The following FNIP1 variants were observed in gnomAD, a reference collection of about 807,000 sequenced individuals.
FNIP1 encodes folliculin interacting protein 1.
Under a neutral mutation model 124.5 loss-of-function variants are expected in FNIP1, and 40 were observed. The observed-to-expected ratio is 0.32, with a 90% CI of 0.25 to 0.42. The LOEUF (loss-of-function observed/expected upper bound fraction) is 0.42. FNIP1 is among the 10% of genes least tolerant of loss of function. The pLI, the probability that FNIP1 is intolerant of heterozygous loss-of-function variation, is 1.00. For missense variants in FNIP1, 1,176 were observed against 1,403.7 expected, an observed-to-expected ratio of 0.84 and a Z score of 2.59; for synonymous variants, 472 against 470.6, an observed-to-expected ratio of 1.00 and a Z score of -0.04.
At chr5:131,787,079 T>C (rs1047962285) in intron 1 of FNIP1, among the ~76,000 whole-genome samples, 29 of 152,188 alleles carry the variant, frequency 1.9e-4, no homozygotes, top group Admixed American at 7.9e-4. Context: ...CTGACCTCAC[T>C]ACTAGCTCCA....
intron 15 of FNIP1, among the ~76,000 whole-genome samples, chr5:131,666,147 A>T (rs1767597988): frequency 6.6e-6 from 1 of 152,172 alleles, no homozygotes; most frequent in Admixed American, 6.5e-5. Context: ...TCGGCCTCCC[A>T]AAGTGCTGAG....
intron 1 of FNIP1, among the ~76,000 whole-genome samples, chr5:131,769,478 C>T (rs1215547702): frequency 3.9e-5 from 6 of 152,180 alleles, no homozygotes; most frequent in Admixed American, 3.9e-4. Flanking sequence ...AGCAGTTCCA[C>T]TTTTCAAAAT....
chr5:131,705,974 C>T (rs1021627565), intron 9 of FNIP1, among the ~76,000 whole-genome samples: 4 of 151,916 alleles, frequency 2.6e-5, no homozygotes, highest in African/African-American at 9.7e-5. Flanking sequence ...AAACATTATG[C>T]TAAATGAAAT....
At chr5:131,707,534 T>C (rs969820484) in intron 8 of FNIP1, among the ~76,000 whole-genome samples, 1 of 152,202 alleles carries the variant, frequency 6.6e-6, no homozygotes, top group African/African-American at 2.4e-5. Flanking sequence ...AGGATAAAGC[T>C]GTATGTGCCA....
At chr5:131,685,448 CT>C (rs368323566) in intron 11 of FNIP1, among the ~76,000 whole-genome samples, 1,273 of 126,020 alleles carry the variant, frequency 0.01, 6 homozygotes, top group African/African-American at 0.034. Context: ...CCTTAAGAAT[CT>C]TTTTTTTTTT....
rs752589250 is a variant in FNIP1, at chr5:131,744,572, A to G, written c.211T>C (p.Ser71Pro). 9 of 1,600,136 alleles carry G rather than the reference A, an allele frequency of 5.6e-6. No homozygotes were observed. The highest frequency in any genetic ancestry group is 2.3e-5 in the East Asian group (1 of 43,992). Residue 71 changes from serine (S) to proline (P), a missense_variant, in exon 2 of 18, where the codon TCA becomes CCA. Ser to Pro is a moderately conservative substitution (Grantham distance 74, BLOSUM62 -1). Coordinates refer to ENST00000510461, the MANE Select transcript of FNIP1 (RefSeq NM_133372.3). The stretch of plus-strand genomic sequence containing the variant: ...TCAATAATGATGCTCACCGATACTG[A>G]TATGTCCTCATTTCTTCTCTTAACA... Reference protein sequence around the residue: ...SSVKRRNEDISVSKLGSDAQV... With the variant: ...SSVKRRNEDIPVSKLGSDAQV...
intron 1 of FNIP1, among the ~76,000 whole-genome samples, chr5:131,779,835 T>C (rs562703785): frequency 2.0e-5 from 3 of 152,162 alleles, no homozygotes; most frequent in African/African-American, 7.2e-5. Flanking sequence ...GAAATGTTGA[T>C]AAATGTGAAA....
intron 1 of FNIP1, among the ~76,000 whole-genome samples, chr5:131,750,992 T>G (rs1770856022): frequency 6.6e-6 from 1 of 152,158 alleles, no homozygotes; most frequent in South Asian, 2.1e-4. Context: ...TAACAGACCT[T>G]ATATAAGCAG....
chr5:131,760,272 T>C lies in FNIP1; in HGVS notation c.93-15582A>G, dbSNP rs140911068. 1.9e-4 allele frequency among the ~76,000 whole-genome samples: 29 copies of C among 152,286 alleles called. No homozygotes were observed. In the East Asian group the frequency reaches 5.2e-3, roughly 27 times the overall value. On this transcript the variant is annotated intron_variant, in intron 1 of 17. Transcript: ENST00000510461. ...AAAAAAAAGAAATCAGGGTGTTAAT[T>C]TTTAAAAAGGCTCCTTGGGGGAATA...
At chr5:131,660,805 C>T (rs1767406618) in intron 15 of FNIP1, among the ~76,000 whole-genome samples, 1 of 152,212 alleles carries the variant, frequency 6.6e-6, no homozygotes, top group African/African-American at 2.4e-5. Flanking sequence ...GGTAGTCCCC[C>T]ACCGGCAATA....
chr5:131,740,098 T>C (rs1246136820), intron 2 of FNIP1, among the ~76,000 whole-genome samples: 1 of 152,230 alleles, frequency 6.6e-6, no homozygotes, highest in East Asian at 1.9e-4. Context: ...TGGAATATGT[T>C]TAGCCTTTCC....
intron 3 of FNIP1, among the ~76,000 whole-genome samples, chr5:131,719,863 C>T (rs1769599266): frequency 1.3e-5 from 2 of 152,170 alleles, no homozygotes; most frequent in South Asian, 4.1e-4. Flanking sequence ...TAAGAAGCAT[C>T]CATAAATGGG....
intron 1 of FNIP1, among the ~76,000 whole-genome samples, chr5:131,758,667 T>C (rs1771127399): frequency 6.6e-6 from 1 of 152,240 alleles, no homozygotes; most frequent in Admixed American, 6.5e-5. Context: ...TCAGCTTATC[T>C]GCTCTGCATG....
intron 11 of FNIP1, among the ~76,000 whole-genome samples, chr5:131,686,896 AAG>A (rs1039397503): frequency 3.1e-4 from 47 of 151,730 alleles, no homozygotes; most frequent in African/African-American, 1.1e-3. Context: ...TTATTACCAA[AAG>A]AGTTTGTGAA....
intron 6 of FNIP1, among the ~76,000 whole-genome samples, chr5:131,715,322 T>C (rs41076): frequency 0.78 from 118,052 of 151,922 alleles, 46,065 homozygotes; most frequent in Middle Eastern, 0.83. Flanking sequence ...CCTGTCTCTA[T>C]TAAAAATACA....
At chr5:131,667,909 T>C (rs894046994) in intron 15 of FNIP1, among the ~76,000 whole-genome samples, 2 of 152,166 alleles carry the variant, frequency 1.3e-5, no homozygotes, top group African/African-American at 2.4e-5. Flanking sequence ...TTATTAACTT[T>C]TTAAATTGAG....
At chr5:131,649,415 G>C (rs924666768) in intron 16 of FNIP1, among the ~76,000 whole-genome samples, 1 of 152,180 alleles carries the variant, frequency 6.6e-6, no homozygotes, top group African/African-American at 2.4e-5. Context: ...GACTAATGAT[G>C]TTGAGCATAT....
chr5:131,710,497 C>A, intron 7 of FNIP1, 81 bp downstream of exon 7: 2 of 1,317,886 alleles, frequency 1.5e-6, no homozygotes, highest in Non-Finnish European at 2.1e-6. Context: ...CATTCATCTA[C>A]TCTCTTGTTT....
chr5:131,671,814 T>A lies in FNIP1; in HGVS notation c.2630A>T (p.Asn877Ile). The A allele has an allele frequency of 6.2e-7, 1 of 1,614,048 alleles. No homozygotes were observed. The highest frequency in any genetic ancestry group is 8.5e-7 in the Non-Finnish European group (1 of 1,180,010). ...LEFSKILCTK[N>I]NKQNNEFCKC... is the part of the protein sequence containing the mutation. ...ACAAAATTCATTGTTCTGCTTGTTA[T>A]TTTTTGTACACAATATTTTTGAAAA... The change falls in exon 14 of 18, where the codon AAT (asparagine) becomes ATT (isoleucine). Residue 877 changes from asparagine (N) to isoleucine (I), a missense_variant. By Grantham distance (149) the Asn-to-Ile change is moderately radical. This residue lies in a region of FNIP1 where 1,109 missense variants were observed against 1,288.5 expected (regional missense o/e 0.86). Coordinates refer to ENST00000510461, the MANE Select transcript of FNIP1 (RefSeq NM_133372.3).
Sources: allele counts gnomAD v4.1 joint callset (sites outside exome capture counted in the v4.1 genomes callset), GRCh38; gene constraint gnomAD v4.1.1; regional missense constraint gnomAD v4.1.1; transcripts MANE v1.5; gene names NCBI Gene and HGNC (gene_info 2026-07-23, HGNC 2026-07-21).